The following SLC25A13 variants were observed in gnomAD, a reference collection of about 807,000 sequenced individuals.
SLC25A13 encodes the protein solute carrier family 25 member 13.
A neutral mutation model predicts 85.5 loss-of-function variants in SLC25A13; 70 were observed. The ratio of observed to expected loss-of-function variants is 0.82; its 90% CI spans 0.68 to 1.00. The LOEUF is 1.00. SLC25A13 is among the 50% of genes least tolerant of loss of function. The pLI is 0.00. For synonymous variants in SLC25A13, 259 were observed against 288.7 expected, an observed-to-expected ratio of 0.90 and a Z score of 1.04; for missense variants, 765 against 819.8, an observed-to-expected ratio of 0.93 and a Z score of 0.82.
intron 5 of SLC25A13, among the ~76,000 whole-genome samples, chr7:96,198,261 G>GT (rs1231896516): frequency 2.6e-5 from 4 of 152,192 alleles, no homozygotes; most frequent in African/African-American, 9.6e-5. Context: ...GTGCAGGGTT[G>GT]TAAAAACCAG....
At chr7:96,268,802 C>T (rs1425732563) in intron 3 of SLC25A13, among the ~76,000 whole-genome samples, 1 of 152,184 alleles carries the variant, frequency 6.6e-6, no homozygotes, top group African/African-American at 2.4e-5. Context: ...CACCACCATG[C>T]CCTGCACTTC....
intron 9 of SLC25A13, among the ~76,000 whole-genome samples, chr7:96,188,450 C>T (rs1030284405): frequency 6.6e-6 from 1 of 152,234 alleles, no homozygotes; most frequent in Admixed American, 6.5e-5. Flanking sequence ...TGTGGTCACA[C>T]TGGCGTCTCT....
At chr7:96,315,366 T>C (rs2117035079) in intron 1 of SLC25A13, among the ~76,000 whole-genome samples, 1 of 152,330 alleles carries the variant, frequency 6.6e-6, no homozygotes, top group East Asian at 1.9e-4. Context: ...CCAAGTCCAA[T>C]TCAATCATGA....
At chr7:96,223,789 GAAA>G (rs56882933) in intron 4 of SLC25A13, among the ~76,000 whole-genome samples, 7 of 94,208 alleles carry the variant, frequency 7.4e-5, no homozygotes, top group Non-Finnish European at 1.1e-4. Context: ...CTCCATCTCT[GAAA>G]AAAAAAAAAA....
rs1004378686 is a variant in SLC25A13 at position 96,166,417 on chromosome 7, C to T, written c.1311+3628G>A. 4.6e-5 allele frequency among the ~76,000 whole-genome samples: 7 copies of T among 152,176 alleles called. No homozygotes were observed. The East Asian group carries it at 1.4e-3, about 29-fold the overall frequency. On this transcript the variant is annotated intron_variant, in intron 13 of 17. Transcript: ENST00000265631. ...TGTTCATACTTTCATGACTTTCTTTCTTAGTAATATTAGATTTATTTTCAG... is the reference window on the plus strand; with the variant it reads ...TGTTCATACTTTCATGACTTTCTTTTTTAGTAATATTAGATTTATTTTCAG...
intron 1 of SLC25A13, among the ~76,000 whole-genome samples, chr7:96,310,070 A>G (rs1001379378): frequency 1.3e-5 from 2 of 152,178 alleles, no homozygotes; most frequent in African/African-American, 4.8e-5. Context: ...TCCATCTCAG[A>G]CTTTTAACTT....
chr7:96,229,655 G>A (rs116988867), intron 4 of SLC25A13, among the ~76,000 whole-genome samples: 3 of 151,498 alleles, frequency 2.0e-5, no homozygotes, highest in African/African-American at 2.4e-5. Context: ...CGAACCCACC[G>A]GGAGGTATGA....
chr7:96,177,802 T>C (rs1427221392), intron 11 of SLC25A13, among the ~76,000 whole-genome samples: 2 of 152,196 alleles, frequency 1.3e-5, no homozygotes, highest in South Asian at 2.1e-4. Context: ...CACTAACTTC[T>C]GAGCGACTAT....
At chr7:96,177,259 T>A (rs1794256894) in intron 11 of SLC25A13, among the ~76,000 whole-genome samples, 2 of 152,200 alleles carry the variant, frequency 1.3e-5, no homozygotes, top group Admixed American at 1.3e-4. Context: ...AGAGCACATG[T>A]GGTCTGGAAG....
intron 2 of SLC25A13, among the ~76,000 whole-genome samples, chr7:96,286,814 TC>T (rs1798908576): frequency 6.6e-6 from 1 of 152,158 alleles, no homozygotes; most frequent in Non-Finnish European, 1.5e-5. Flanking sequence ...CTCATTTTAA[TC>T]CCCTAGGAGC....
At chr7:96,190,698 C>T (rs539973665) in intron 7 of SLC25A13, among the ~76,000 whole-genome samples, 39 of 152,096 alleles carry the variant, frequency 2.6e-4, no homozygotes, top group African/African-American at 8.2e-4. Context: ...CTGCAACCTT[C>T]GCCTCCCAGG....
At chr7:96,200,265 A>G (rs1032914658) in intron 5 of SLC25A13, among the ~76,000 whole-genome samples, 4 of 152,194 alleles carry the variant, frequency 2.6e-5, no homozygotes, top group Non-Finnish European at 5.9e-5. Flanking sequence ...TTGTTTATCG[A>G]AACAGGAAAC....
intron 14 of SLC25A13, among the ~76,000 whole-genome samples, chr7:96,132,561 A>C (rs1792079623): frequency 6.6e-6 from 1 of 152,182 alleles, no homozygotes; most frequent in Admixed American, 6.5e-5. Context: ...GTCTTCAACA[A>C]ATAGTTTCTG....
At chr7:96,170,307 T>TA (rs1304126056) in intron 12 of SLC25A13, among the ~76,000 whole-genome samples, 182 bp from the exon 13 acceptor site, 1 of 152,124 alleles carries the variant, frequency 6.6e-6, no homozygotes, top group African/African-American at 2.4e-5. Flanking sequence ...ATAATAGTTT[T>TA]AAAAAATGAA....
chr7:96,265,752 TTA>T (rs1237990926), intron 3 of SLC25A13, among the ~76,000 whole-genome samples: 2 of 152,182 alleles, frequency 1.3e-5, no homozygotes, highest in African/African-American at 2.4e-5. Flanking sequence ...GTTCAGGTTA[TTA>T]TAACAAAATA....
intron 15 of SLC25A13, among the ~76,000 whole-genome samples, chr7:96,128,654 C>A (rs1319094331): frequency 6.6e-6 from 1 of 151,712 alleles, no homozygotes; most frequent in Admixed American, 6.6e-5. Context: ...GGGCTTAAAA[C>A]CTAGATGATG....
chr7:96,126,935 A>G (rs1791752990), intron 15 of SLC25A13, among the ~76,000 whole-genome samples: 1 of 149,352 alleles, frequency 6.7e-6, no homozygotes, highest in South Asian at 2.2e-4. Flanking sequence ...ATTTGTACCA[A>G]CAGTAGTTTT....
intron 13 of SLC25A13, among the ~76,000 whole-genome samples, chr7:96,158,350 G>A (rs1427902194): frequency 6.6e-6 from 1 of 152,124 alleles, no homozygotes; most frequent in Non-Finnish European, 1.5e-5. Context: ...CCCATCATCA[G>A]TCTGCTGTCC....
chr7:96,190,337 C>T (rs545765121), intron 7 of SLC25A13, among the ~76,000 whole-genome samples: 4 of 151,978 alleles, frequency 2.6e-5, no homozygotes, highest in African/African-American at 7.2e-5. Flanking sequence ...ATGATCTGCC[C>T]GCCTCGGCCT....
Sources: allele counts gnomAD v4.1 joint callset (sites outside exome capture counted in the v4.1 genomes callset), GRCh38; gene constraint gnomAD v4.1.1; transcripts MANE v1.5; gene names NCBI Gene and HGNC (gene_info 2026-07-23, HGNC 2026-07-21).